Variants in ADAMTS18 observed in about 807,000 individuals in gnomAD.
The protein encoded by ADAMTS18 is ADAM metallopeptidase with thrombospondin type 1 motif 18.
In ADAMTS18, 157 loss-of-function variants were observed where a neutral mutation model predicts 165.9. The observed-to-expected ratio is 0.95, with a 90% CI of 0.83 to 1.08. The LOEUF is 1.08. Among genes scored for constraint, ADAMTS18 ranks in the 50% least tolerant of loss-of-function variants. The pLI, the probability that ADAMTS18 is intolerant of heterozygous loss-of-function variation, is 0.00. For missense variants in ADAMTS18, 2,040 were observed against 1,534.0 expected, an observed-to-expected ratio of 1.33 and a Z score of -5.51; for synonymous variants, 782 against 578.2, an observed-to-expected ratio of 1.35 and a Z score of -5.06.
intron 3 of ADAMTS18, among the ~76,000 whole-genome samples, chr16:77,371,896 T>C (rs995631519): frequency 6.6e-6 from 1 of 152,124 alleles, no homozygotes; most frequent in African/African-American, 2.4e-5. Context: ...ATCCAGAATA[T>C]GTAAGGAACT....
At chr16:77,311,476 A>G (rs1294461508) in intron 16 of ADAMTS18, among the ~76,000 whole-genome samples, 1 of 152,214 alleles carries the variant, frequency 6.6e-6, no homozygotes, top group Non-Finnish European at 1.5e-5. Context: ...TTGGATATCA[A>G]TATACAGTCC....
At chr16:77,342,376 TA>T (rs1651857883) in intron 10 of ADAMTS18, among the ~76,000 whole-genome samples, 1 of 152,206 alleles carries the variant, frequency 6.6e-6, no homozygotes, top group South Asian at 2.1e-4. Context: ...TTCATCTTTT[TA>T]AAAAATGTTC....
intron 10 of ADAMTS18, among the ~76,000 whole-genome samples, chr16:77,347,444 T>C (rs1343061103): frequency 6.6e-6 from 1 of 152,196 alleles, no homozygotes; most frequent in Non-Finnish European, 1.5e-5. Flanking sequence ...GAGTTCCAGT[T>C]GCTTCTGGTC....
At chr16:77,346,197 T>A (rs2056473313) in intron 10 of ADAMTS18, among the ~76,000 whole-genome samples, 1 of 152,210 alleles carries the variant, frequency 6.6e-6, no homozygotes, top group Admixed American at 6.5e-5. Context: ...CCAATTTTCC[T>A]TATCTTATTC....
chr16:77,291,326 A>C lies in ADAMTS18; in HGVS notation c.3342T>G (p.Ala1114=). 6.2e-7 allele frequency: 1 copy of C among 1,614,222 alleles called. No homozygotes were observed. The highest frequency in any genetic ancestry group is 8.5e-7 in the Non-Finnish European group (1 of 1,180,028). The part of the protein sequence containing the change: ...LDLEETCNRR[A]CPAHPVYNMV... The stretch of plus-strand genomic sequence containing the variant: ...TGTTGTACACTGGATGGGCTGGGCA[A>C]GCCCGTCGGTTGCAGGTCTCTTCCA... The change falls in exon 21 of 23, where the codon GCT becomes GCG. Residue 1114 remains alanine (A), a synonymous_variant. Coordinates refer to ENST00000282849, the MANE Select transcript of ADAMTS18 (RefSeq NM_199355.4).
At chr16:77,368,429 CTTTT>C (rs1202728780) in intron 3 of ADAMTS18, among the ~76,000 whole-genome samples, 4 of 144,238 alleles carry the variant, frequency 2.8e-5, no homozygotes, top group Non-Finnish European at 6.1e-5. Context: ...CTTGATTTTT[CTTTT>C]TTTCTTTTTT....
intron 3 of ADAMTS18, among the ~76,000 whole-genome samples, chr16:77,397,611 T>C (rs758671484): frequency 6.6e-6 from 1 of 152,150 alleles, no homozygotes; most frequent in Non-Finnish European, 1.5e-5. Context: ...ATACAGAGCA[T>C]GAGAAGAAAA....
chr16:77,291,254 G>T lies in ADAMTS18; in HGVS notation c.3402+12C>A, dbSNP rs780671053. 8 of 1,613,418 alleles carry T rather than the reference G, an allele frequency of 5.0e-6. No individual in the cohort carries two copies. In the Admixed American group the frequency reaches 1.0e-4, roughly 20 times the overall value. ...ACTTGAATAGACACCTCCTCAATCG[G>T]CCTGTACCCACCTGCTGCCACGGCA... On this transcript the variant is annotated intron_variant, in intron 21 of 22. Coordinates refer to ENST00000282849, the MANE Select transcript of ADAMTS18 (RefSeq NM_199355.4).
Position 77,353,867 on chromosome 16 carries a change from G to C in ADAMTS18, c.1480C>G (p.Leu494Val). The change falls in exon 10 of 23, where the codon CTA (leucine) becomes GTA (valine). Residue 494 changes from leucine to valine, a missense_variant. Leu to Val is a conservative substitution (Grantham distance 32). Coordinates refer to ENST00000282849, the MANE Select transcript of ADAMTS18 (RefSeq NM_199355.4). ...CCTGCTTGCTTGGGCTCATCCACTAGACACCCCGCCTGAGGTGTGCTGTAA... is the reference window on the plus strand; with the variant it reads ...CCTGCTTGCTTGGGCTCATCCACTACACACCCCGCCTGAGGTGTGCTGTAA... ...KFLSTPQAGC[L>V]VDEPKQAGQY... 1 of 1,614,110 alleles carries C rather than the reference G, an allele frequency of 6.2e-7. No individual in the cohort carries two copies. Among genetic ancestry groups the C allele is most frequent in the Non-Finnish European group, 8.5e-7 (1 of 1,180,016 alleles).
chr16:77,363,313 G>A (rs539923516), intron 6 of ADAMTS18, among the ~76,000 whole-genome samples: 38 of 152,090 alleles, frequency 2.5e-4, no homozygotes, highest in Middle Eastern at 3.4e-3. Flanking sequence ...ACCTAAGATG[G>A]TACTGGGGAT....
intron 10 of ADAMTS18, among the ~76,000 whole-genome samples, chr16:77,350,657 CA>C (rs1485734137): frequency 4.6e-5 from 7 of 152,132 alleles, no homozygotes; most frequent in African/African-American, 1.7e-4. Flanking sequence ...TGTGAACGTT[CA>C]AAATTGAAGA....
chr16:77,334,877 CTATA>C (rs2056280547), intron 12 of ADAMTS18, among the ~76,000 whole-genome samples: 1 of 128,148 alleles, frequency 7.8e-6, no homozygotes, highest in Non-Finnish European at 1.6e-5. Flanking sequence ...AGTATATGCA[CTATA>C]TATTATAATA....
Position 77,362,260 on chromosome 16 carries a change from C to T in ADAMTS18, c.1061G>A (p.Gly354Glu). ...GTCTGCATGATGGTTGATCAATAATCCTCCCTATGGGAAACCCACACAAAT... is the reference window on the plus strand; with the variant it reads ...GTCTGCATGATGGTTGATCAATAATTCTCCCTATGGGAAACCCACACAAAT... Reference protein sequence around the residue: ...SLILLEQEPGGLLINHHADQS... With the variant: ...SLILLEQEPGELLINHHADQS... The change falls in exon 7 of 23, where the codon GGA (glycine) becomes GAA (glutamate). Residue 354 changes from glycine to glutamate, a missense_variant. Transcript: ENST00000282849. 1.2e-6 allele frequency: 2 copies of T among 1,614,112 alleles called. No individual in the cohort carries two copies. Among genetic ancestry groups the T allele is most frequent in the Middle Eastern group, 1.6e-4 (1 of 6,062 alleles).
At position 77,300,310 on chromosome 16, in the gene ADAMTS18, T is replaced by C. The variant is rs372966603; in HGVS notation, c.2627A>G (p.Tyr876Cys). Residue 876 changes from tyrosine to cysteine, a missense_variant, in exon 17 of 23, where the codon TAT (tyrosine) becomes TGT (cysteine). Tyr to Cys is a radical substitution (Grantham distance 194). Transcript: ENST00000282849. ...CTCTGACTGCACGATACTCCAGGTATAGGCAGGTCTTTTTGTGGCTGGTGG... is the reference window on the plus strand; with the variant it reads ...CTCTGACTGCACGATACTCCAGGTACAGGCAGGTCTTTTTGTGGCTGGTGG... Reference protein sequence around the residue: ...GTPPATKRPAYTWSIVQSECS... With the variant: ...GTPPATKRPACTWSIVQSECS... 3 of 1,614,020 alleles carry C rather than the reference T, an allele frequency of 1.9e-6. No individual in the cohort carries two copies. The highest frequency in any genetic ancestry group is 1.1e-5 in the South Asian group (1 of 91,088).
chr16:77,416,562 T>C (rs375188662), intron 3 of ADAMTS18, among the ~76,000 whole-genome samples: 11 of 152,286 alleles, frequency 7.2e-5, no homozygotes, highest in African/African-American at 1.9e-4. Flanking sequence ...CCTGCCACCA[T>C]GTAAGATGTG....
rs540573167 is a variant in ADAMTS18, at chr16:77,353,996, A to C, written c.1461-110T>G. The C allele has an allele frequency of 6.3e-5, 82 of 1,302,754 alleles. No individual in the cohort carries two copies. The African/African-American group carries it at 1.2e-3, about 18-fold the overall frequency. 80.7% of individuals were successfully genotyped at this position (1,302,754 alleles called of 1,614,324 possible). A position where few individuals can be genotyped will look rare whatever the true frequency, so the allele number is the denominator to read the frequency against. On this transcript the variant is annotated intron_variant, in intron 9 of 22. Transcript: ENST00000282849. ...GCAAAGAAAAATATAGCATGGTTCT[A>C]GAAACAGGTATATGTTTAAAGTTCA...
chr16:77,399,396 T>G (rs1330538625), intron 3 of ADAMTS18, among the ~76,000 whole-genome samples: 1 of 152,202 alleles, frequency 6.6e-6, no homozygotes, highest in Middle Eastern at 3.2e-3. Context: ...CACTTCTTTT[T>G]CACTTAAATT....
At chr16:77,342,842 T>C (rs2056419278) in intron 10 of ADAMTS18, among the ~76,000 whole-genome samples, 1 of 152,120 alleles carries the variant, frequency 6.6e-6, no homozygotes, top group Non-Finnish European at 1.5e-5. Context: ...ATTTTCCAGG[T>C]GGGCCTAACA....
chr16:77,315,702 T>A (rs1220421686), intron 16 of ADAMTS18, among the ~76,000 whole-genome samples: 1 of 152,168 alleles, frequency 6.6e-6, no homozygotes, highest in African/African-American at 2.4e-5. Context: ...GATATTGCAA[T>A]TATTTGGCTA....
Sources: allele counts gnomAD v4.1 joint callset (sites outside exome capture counted in the v4.1 genomes callset), GRCh38; gene constraint gnomAD v4.1.1; transcripts MANE v1.5; gene names NCBI Gene and HGNC (gene_info 2026-07-23, HGNC 2026-07-21).